Variants in DGKB observed in about 807,000 individuals in gnomAD.
DGKB encodes diacylglycerol kinase beta.
Under a neutral mutation model 114.3 loss-of-function variants are expected in DGKB, and 67 were observed. The observed-to-expected ratio is 0.59, with a 90% CI of 0.48 to 0.72. The LOEUF (loss-of-function observed/expected upper bound fraction) is 0.72, where lower values mean the gene tolerates loss of function less well. Ranked by LOEUF, DGKB falls within the 30% of genes least tolerant of loss-of-function variation. The pLI, the probability that DGKB is intolerant of heterozygous loss-of-function variation, is 0.00. For missense variants in DGKB, 907 were observed against 975.2 expected, an observed-to-expected ratio of 0.93 and a Z score of 0.93; for synonymous variants, 398 against 323.1, an observed-to-expected ratio of 1.23 and a Z score of -2.49.
chr7:14,803,089 C>CT lies in DGKB; in HGVS notation c.70+38104dup, dbSNP rs889298167. Among the ~76,000 whole-genome samples, 493 of 146,670 alleles carry CT rather than the reference C, an allele frequency of 3.4e-3. 1 individual carries two copies. Among genetic ancestry groups the CT allele is most frequent in the African/African-American group, 0.011 (436 of 40,288 alleles). ...GGCCTTTTGGTGTCATTTGCACAAA[C>CT]TTTTTTTTTTTTCCATTTACTCATT... is the stretch of plus-strand genomic sequence containing the variant. On this transcript the variant is annotated intron_variant, in intron 2 of 25. Coordinates refer to ENST00000402815, the MANE Select transcript of DGKB (RefSeq NM_001350709.2).
chr7:14,486,016 T>A (rs1304331478), intron 20 of DGKB, among the ~76,000 whole-genome samples: 2 of 152,314 alleles, frequency 1.3e-5, no homozygotes, highest in East Asian at 3.9e-4. Flanking sequence ...ATAATTAGAA[T>A]CCAGTTCAAG....
chr7:14,427,399 G>T (rs1045963180), intron 21 of DGKB, among the ~76,000 whole-genome samples: 9 of 151,998 alleles, frequency 5.9e-5, no homozygotes, highest in Admixed American at 5.9e-4. Flanking sequence ...GTTCCAAATT[G>T]TCTCACATTT....
chr7:14,395,426 C>T (rs1822061185), intron 21 of DGKB, among the ~76,000 whole-genome samples: 1 of 151,706 alleles, frequency 6.6e-6, no homozygotes, highest in African/African-American at 2.4e-5. Flanking sequence ...AAACCTGTTA[C>T]ACAATATTTT....
chr7:14,164,301 C>CGGTGT (rs778700135), intron 25 of DGKB, among the ~76,000 whole-genome samples: 23 of 152,146 alleles, frequency 1.5e-4, no homozygotes, highest in Non-Finnish European at 2.9e-4. Flanking sequence ...TCTTTAAAAA[C>CGGTGT]GGTGTGTCTA....
At chr7:14,627,811 C>T (rs1203709242) in intron 14 of DGKB, among the ~76,000 whole-genome samples, 4 of 151,720 alleles carry the variant, frequency 2.6e-5, no homozygotes, top group Admixed American at 1.3e-4. Context: ...GGCGTGGTCA[C>T]GTGCGCCTAT....
At chr7:14,892,028 G>A (rs1318372329) in intron 1 of DGKB, among the ~76,000 whole-genome samples, 2 of 151,352 alleles carry the variant, frequency 1.3e-5, no homozygotes, top group Non-Finnish European at 3.0e-5. Context: ...AGTAATACAG[G>A]AAAATAAAGA....
chr7:14,923,593 T>C (rs1344842082), intron 1 of DGKB, among the ~76,000 whole-genome samples: 2 of 152,216 alleles, frequency 1.3e-5, no homozygotes, highest in African/African-American at 4.8e-5. Context: ...TATTTCCTCC[T>C]TGAAACATTG....
intron 18 of DGKB, among the ~76,000 whole-genome samples, chr7:14,582,466 T>C (rs556661469): frequency 6.6e-6 from 1 of 152,310 alleles, no homozygotes; most frequent in South Asian, 2.1e-4. Context: ...TAATCTCAGC[T>C]CTCTCAGTTC....
intron 23 of DGKB, among the ~76,000 whole-genome samples, chr7:14,277,505 T>C (rs1799207830): frequency 6.6e-6 from 1 of 152,206 alleles, no homozygotes; most frequent in South Asian, 2.1e-4. Flanking sequence ...CACATACATG[T>C]GAAATAATGC....
At chr7:14,517,113 T>C (rs957666982) in intron 20 of DGKB, among the ~76,000 whole-genome samples, 1 of 151,600 alleles carries the variant, frequency 6.6e-6, no homozygotes, top group African/African-American at 2.4e-5. Flanking sequence ...CGAACACATA[T>C]AGAAATGGAA....
intron 17 of DGKB, among the ~76,000 whole-genome samples, chr7:14,594,060 T>C (rs79990020): frequency 0.027 from 4,170 of 152,216 alleles, 93 homozygotes; most frequent in Non-Finnish European, 0.044. Context: ...GAATTAGGTG[T>C]TACCCAATTC....
chr7:14,690,383 G>C (rs1822617432), intron 9 of DGKB, among the ~76,000 whole-genome samples: 1 of 152,188 alleles, frequency 6.6e-6, no homozygotes, highest in African/African-American at 2.4e-5. Context: ...CTGCTCCTAT[G>C]CTTTCTGTCT....
intron 23 of DGKB, among the ~76,000 whole-genome samples, chr7:14,241,865 T>G (rs1793694359): frequency 6.6e-6 from 1 of 151,984 alleles, no homozygotes; most frequent in Non-Finnish European, 1.5e-5. Flanking sequence ...ATAAATTATT[T>G]TTAGAAGCAG....
intron 20 of DGKB, among the ~76,000 whole-genome samples, chr7:14,491,276 G>T (rs766683951): frequency 2.4e-4 from 36 of 151,956 alleles, no homozygotes; most frequent in Non-Finnish European, 4.7e-4. Flanking sequence ...AGATCTGATG[G>T]TTTTTTAAGG....
intron 23 of DGKB, among the ~76,000 whole-genome samples, chr7:14,284,738 A>G (rs1261825014): frequency 5.9e-5 from 9 of 151,556 alleles, no homozygotes; most frequent in African/African-American, 2.4e-5. Flanking sequence ...GGAAACCATC[A>G]TTCTCAGTAA....
At chr7:14,319,375 T>C (rs1807293990) in intron 23 of DGKB, among the ~76,000 whole-genome samples, 2 of 152,182 alleles carry the variant, frequency 1.3e-5, no homozygotes, top group Non-Finnish European at 2.9e-5. Flanking sequence ...TACAGAGATT[T>C]ATAAAAAGCA....
chr7:14,671,389 A>G (rs1291301607), intron 13 of DGKB, among the ~76,000 whole-genome samples: 2 of 152,178 alleles, frequency 1.3e-5, no homozygotes, highest in Non-Finnish European at 2.9e-5. Context: ...AAAATGGTAA[A>G]CAACAAATGC....
intron 13 of DGKB, among the ~76,000 whole-genome samples, chr7:14,660,085 A>G (rs1563825557): frequency 2.6e-5 from 4 of 151,058 alleles, no homozygotes; most frequent in Admixed American, 1.3e-4. Flanking sequence ...GATGAAGCCC[A>G]CATGATCATG....
chr7:14,762,175 G>A lies in DGKB; in HGVS notation c.71-4444C>T, dbSNP rs908326580. Among the ~76,000 whole-genome samples the A allele has an allele frequency of 2.0e-5, 3 of 152,256 alleles. No individual in the cohort carries two copies. The East Asian group carries it at 5.8e-4, about 29-fold the overall frequency. On this transcript the variant is annotated intron_variant, in intron 2 of 25. Transcript: ENST00000402815. The stretch of plus-strand genomic sequence containing the variant: ...TCAACTTAGAGCTGAAAATGGTACT[G>A]AGCATGAAAGCGGGAGGTGTTTTAT...
Sources: allele counts gnomAD v4.1 joint callset (sites outside exome capture counted in the v4.1 genomes callset), GRCh38; gene constraint gnomAD v4.1.1; transcripts MANE v1.5; gene names NCBI Gene and HGNC (gene_info 2026-07-23, HGNC 2026-07-21).